PIP4K2A: variants seen among roughly 807,000 people sequenced by gnomAD.
The protein encoded by PIP4K2A is phosphatidylinositol-5-phosphate 4-kinase type 2 alpha, also known as phosphatidylinositol 5-phosphate 4-kinase type-2 alpha.
A neutral mutation model predicts 42.9 loss-of-function variants in PIP4K2A; 14 were observed. The observed-to-expected ratio is 0.33, with a 90% CI of 0.22 to 0.51. PIP4K2A has a LOEUF of 0.51. Ranked by LOEUF, PIP4K2A falls within the 20% of genes least tolerant of loss-of-function variation. PIP4K2A has a pLI of 0.97. For synonymous variants in PIP4K2A, 192 were observed against 192.2 expected (o/e 1.00, Z 0.01); for missense variants, 434 against 519.8 (o/e 0.83, Z 1.61).
At chr10:22,586,766 GGT>G (rs1837405320) in intron 4 of PIP4K2A, among the ~76,000 whole-genome samples, 2 of 152,130 alleles carry the variant, frequency 1.3e-5, no homozygotes, top group South Asian at 4.2e-4. Flanking sequence ...CCTGACCTCA[GGT>G]GATCCACCCA....
chr10:22,544,321 T>TG (rs1411889131), intron 7 of PIP4K2A, among the ~76,000 whole-genome samples: 4 of 121,628 alleles, frequency 3.3e-5, no homozygotes, highest in African/African-American at 1.3e-4. Flanking sequence ...AGGGGTATGG[T>TG]GGGGGTGGGG....
At chr10:22,670,551 G>T (rs1201472321) in intron 1 of PIP4K2A, among the ~76,000 whole-genome samples, 2 of 152,082 alleles carry the variant, frequency 1.3e-5, no homozygotes, top group Non-Finnish European at 2.9e-5. Flanking sequence ...CATCAAAATC[G>T]ATTCCAGGGG....
chr10:22,539,911 GGGAGAGAGAGA>G (rs1564410994), intron 9 of PIP4K2A, 49 bp downstream of exon 9: 14 of 110,824 alleles, frequency 1.3e-4, no homozygotes, highest in African/African-American at 1.1e-3. Flanking sequence ...GAGAGAGAGA[GGGAGAGAGAGA>G]GAGAGAGAGG....
At chr10:22,605,198 T>C (rs1352436236) in intron 3 of PIP4K2A, among the ~76,000 whole-genome samples, 1 of 150,346 alleles carries the variant, frequency 6.7e-6, no homozygotes, top group Non-Finnish European at 1.5e-5. Context: ...TCTTTCTTTT[T>C]TTTCTTTTTT....
intron 1 of PIP4K2A, among the ~76,000 whole-genome samples, chr10:22,636,354 G>T (rs1838662008): frequency 6.6e-6 from 1 of 152,076 alleles, no homozygotes; most frequent in Non-Finnish European, 1.5e-5. Flanking sequence ...CAGGCTCAAG[G>T]GATCCTCCCA....
chr10:22,676,107 C>T, intron 1 of PIP4K2A, among the ~76,000 whole-genome samples: 1 of 151,898 alleles, frequency 6.6e-6, no homozygotes, highest in East Asian at 1.9e-4. Context: ...CTTTTCATCT[C>T]TCTGAGCCTC....
In PIP4K2A at chr10:22,624,047, C is replaced by T. The variant is rs141678946; in HGVS notation, c.145-14330G>A. Among the ~76,000 whole-genome samples the T allele has an allele frequency of 5.3e-4, 80 of 152,306 alleles. 1 individual carries two copies. The East Asian group carries it at 0.015, about 29-fold the overall frequency. On this transcript the variant is annotated intron_variant, in intron 1 of 9. Transcript: ENST00000376573. ...TGCCTAGAGATACCAGCTAATGATA[C>T]TCCAGAGCTATCAAAATGCGCAAGT... is the stretch of plus-strand genomic sequence containing the variant.
chr10:22,588,866 T>A (rs979621315), intron 4 of PIP4K2A, among the ~76,000 whole-genome samples: 10 of 152,188 alleles, frequency 6.6e-5, no homozygotes, highest in African/African-American at 2.4e-4. Flanking sequence ...CTTTTCTGAA[T>A]AAAGAACTCA....
At chr10:22,618,330 A>G (rs1838225602) in intron 1 of PIP4K2A, among the ~76,000 whole-genome samples, 1 of 152,154 alleles carries the variant, frequency 6.6e-6, no homozygotes. Context: ...CACCAAACAA[A>G]TGACTTTGAA....
At chr10:22,591,592 C>T in intron 4 of PIP4K2A, 37 bp downstream of exon 4, 1 of 1,539,374 alleles carries the variant, frequency 6.5e-7, no homozygotes, top group Non-Finnish European at 8.9e-7. Flanking sequence ...GCATGTTAAT[C>T]TTCTTGGAGT....
At chr10:22,682,625 G>A (rs1041965574) in intron 1 of PIP4K2A, among the ~76,000 whole-genome samples, 1 of 152,194 alleles carries the variant, frequency 6.6e-6, no homozygotes, top group South Asian at 2.1e-4. Context: ...CGTGGTGGGG[G>A]TGGCAGAAGC....
chr10:22,622,100 AC>A (rs1307772611), intron 1 of PIP4K2A, among the ~76,000 whole-genome samples: 1 of 152,236 alleles, frequency 6.6e-6, no homozygotes, highest in Non-Finnish European at 1.5e-5. Context: ...CAAAAACACC[AC>A]CACCAAACAT....
intron 1 of PIP4K2A, among the ~76,000 whole-genome samples, chr10:22,707,933 T>C (rs1018827879): frequency 6.6e-6 from 1 of 152,176 alleles, no homozygotes; most frequent in African/African-American, 2.4e-5. Context: ...GAGGAGTCTA[T>C]GGCCTTCACT....
chr10:22,627,591 TAAAAAAAAAAAAAAAAAAAAA>T (rs57671642), intron 1 of PIP4K2A, among the ~76,000 whole-genome samples: 155 of 57,036 alleles, frequency 2.7e-3, no homozygotes, highest in African/African-American at 8.1e-3. Flanking sequence ...TAATATGTAA[TAAAAAAAAAAAAAAAAAAAAA>T]AAAAAAAAAA....
intron 1 of PIP4K2A, among the ~76,000 whole-genome samples, chr10:22,622,016 T>C (rs1023193985): frequency 6.6e-6 from 1 of 152,176 alleles, no homozygotes; most frequent in Admixed American, 6.5e-5. Context: ...GACCTGACCA[T>C]GCATTTTTAT....
chr10:22,618,033 C>T (rs1838217282), intron 1 of PIP4K2A, among the ~76,000 whole-genome samples: 1 of 152,200 alleles, frequency 6.6e-6, no homozygotes, highest in Non-Finnish European at 1.5e-5. Context: ...CTAGATACTA[C>T]TGTAATTAAT....
At chr10:22,707,379 T>G (rs1296513953) in intron 1 of PIP4K2A, among the ~76,000 whole-genome samples, 1 of 152,212 alleles carries the variant, frequency 6.6e-6, no homozygotes, top group East Asian at 1.9e-4. Flanking sequence ...TTTAGAATTG[T>G]GAGGCTTAGC....
At chr10:22,653,064 G>A (rs184287373) in intron 1 of PIP4K2A, among the ~76,000 whole-genome samples, 9 of 152,058 alleles carry the variant, frequency 5.9e-5, no homozygotes, top group African/African-American at 7.2e-5. Flanking sequence ...GCTGCACTCC[G>A]GTCTGGGCAA....
chr10:22,653,392 T>C (rs1839032823), intron 1 of PIP4K2A, among the ~76,000 whole-genome samples: 1 of 152,152 alleles, frequency 6.6e-6, no homozygotes, highest in Non-Finnish European at 1.5e-5. Flanking sequence ...CCTGGGCCAC[T>C]TACTCTAAAA....
Sources: allele counts gnomAD v4.1 joint callset (sites outside exome capture counted in the v4.1 genomes callset), GRCh38; gene constraint gnomAD v4.1.1; transcripts MANE v1.5; gene names NCBI Gene and HGNC (gene_info 2026-07-23, HGNC 2026-07-21).